The following CAMTA1 variants were observed in gnomAD, a reference collection of about 807,000 sequenced individuals.
CAMTA1 encodes the protein calmodulin binding transcription activator 1, also known as calmodulin-binding transcription activator 1.
Under a neutral mutation model 170.9 loss-of-function variants are expected in CAMTA1, and 27 were observed. The observed-to-expected ratio is 0.16, with a 90% confidence interval of 0.12 to 0.22. The LOEUF (loss-of-function observed/expected upper bound fraction) is 0.22, where lower values mean the gene tolerates loss of function less well. Ranked by LOEUF, CAMTA1 falls within the 10% of genes least tolerant of loss-of-function variation. The pLI is 1.00. For synonymous variants in CAMTA1, 833 were observed against 891.5 expected, an observed-to-expected ratio of 0.93 and a Z score of 1.17; for missense variants, 1,619 against 2,217.2, an observed-to-expected ratio of 0.73 and a Z score of 5.42.
chr1:7,446,549 T>C (rs2092686087), intron 5 of CAMTA1, among the ~76,000 whole-genome samples: 1 of 152,140 alleles, frequency 6.6e-6, no homozygotes, highest in South Asian at 2.1e-4. Flanking sequence ...GCCACGGACT[T>C]GCCTACTGGG....
intron 11 of CAMTA1, among the ~76,000 whole-genome samples, chr1:7,712,668 T>C (rs986719786): frequency 1.3e-5 from 2 of 152,196 alleles, no homozygotes; most frequent in Non-Finnish European, 2.9e-5. Flanking sequence ...AAGAAATCTT[T>C]CTGAGGTGGC....
intron 5 of CAMTA1, among the ~76,000 whole-genome samples, chr1:7,368,008 T>G (rs2086123828): frequency 6.6e-6 from 1 of 151,170 alleles, no homozygotes; most frequent in Admixed American, 6.6e-5. Flanking sequence ...GCACAGGCCC[T>G]GGGCACTCAT....
intron 4 of CAMTA1, among the ~76,000 whole-genome samples, chr1:7,103,528 A>G (rs1643042266): frequency 7.0e-6 from 1 of 142,170 alleles, no homozygotes; most frequent in African/African-American, 2.8e-5. Context: ...TACACACAAC[A>G]CACAACTACA....
intron 5 of CAMTA1, among the ~76,000 whole-genome samples, chr1:7,358,477 G>T (rs2085294448): frequency 6.6e-6 from 1 of 152,122 alleles, no homozygotes; most frequent in African/African-American, 2.4e-5. Context: ...CATCACTGGA[G>T]GCGGGCAGTG....
chr1:7,520,094 A>C (rs1407998974), intron 6 of CAMTA1, among the ~76,000 whole-genome samples: 1 of 146,682 alleles, frequency 6.8e-6, no homozygotes, highest in African/African-American at 2.6e-5. Context: ...CCACCAGTCC[A>C]CCAGCCCCCC....
chr1:7,328,718 A>G (rs6701226), intron 5 of CAMTA1, among the ~76,000 whole-genome samples: 10,695 of 151,368 alleles, frequency 0.071, 1,286 homozygotes, highest in African/African-American at 0.25. Context: ...TTGACTATCT[A>G]GTATTTTCTT....
intron 6 of CAMTA1, among the ~76,000 whole-genome samples, chr1:7,629,508 A>C (rs1422876260): frequency 6.6e-6 from 1 of 152,220 alleles, no homozygotes; most frequent in Non-Finnish European, 1.5e-5. Context: ...GATTGTGCTA[A>C]AATTACCTCC....
intron 5 of CAMTA1, among the ~76,000 whole-genome samples, chr1:7,270,702 T>C (rs1669675206): frequency 6.6e-6 from 1 of 152,106 alleles, no homozygotes; most frequent in Non-Finnish European, 1.5e-5. Context: ...TAAATATGGC[T>C]GGACACAGTT....
chr1:7,629,869 C>CG (rs1341325734), intron 6 of CAMTA1, among the ~76,000 whole-genome samples: 2 of 151,968 alleles, frequency 1.3e-5, no homozygotes, highest in African/African-American at 4.8e-5. Context: ...GGTCCTCTCT[C>CG]GGGGGGCCTG....
intron 4 of CAMTA1, among the ~76,000 whole-genome samples, chr1:7,159,642 C>G (rs776414242): frequency 3.3e-5 from 5 of 152,142 alleles, no homozygotes; most frequent in Admixed American, 2.6e-4. Flanking sequence ...CTCCTGGGCT[C>G]GAGCAATCCT....
At chr1:7,412,485 T>C (rs2149266910) in intron 5 of CAMTA1, among the ~76,000 whole-genome samples, 1 of 152,348 alleles carries the variant, frequency 6.6e-6, no homozygotes, top group East Asian at 1.9e-4. Flanking sequence ...ATTGTGGTTT[T>C]GATTTGCATT....
chr1:7,069,315 T>A (rs1010812314), intron 3 of CAMTA1, among the ~76,000 whole-genome samples: 2 of 152,196 alleles, frequency 1.3e-5, no homozygotes, highest in African/African-American at 4.8e-5. Context: ...CTCAGAGATG[T>A]TAACTGACTT....
At position 7,680,857 on chromosome 1, in the gene CAMTA1, CGCG is replaced by C. The variant is rs2096190976; in HGVS notation, c.2914+3125_2914+3127del. Among the ~76,000 whole-genome samples the C allele has an allele frequency of 1.0e-4, 8 of 77,926 alleles. No individual in the cohort carries two copies. Among genetic ancestry groups the C allele is most frequent in the African/African-American group, 2.2e-4 (5 of 23,114 alleles). The allele number at this position is 77,926 out of a possible 152,430, so 51.1% of individuals were successfully genotyped here. ...CGCAGAGAACACGCGCGCGCGCGCG[CGCG>C]CCAGCAGCAGCAGCAGCAGCAGCTG... On this transcript the variant is annotated intron_variant, in intron 11 of 22. Transcript: ENST00000303635. The surrounding 1 kb of genome is among the most constrained non-coding windows in gnomAD (Gnocchi z 4.4).
intron 3 of CAMTA1, among the ~76,000 whole-genome samples, chr1:6,938,651 G>T (rs1685879750): frequency 1.3e-5 from 2 of 152,200 alleles, no homozygotes; most frequent in Non-Finnish European, 2.9e-5. Flanking sequence ...GTCGGAGCTG[G>T]TAGGCTGGGC....
Position 6,796,261 on chromosome 1 carries a change from A to C in CAMTA1, c.45+10686A>C, listed in dbSNP as rs1569986544. Reference sequence around the variant, plus strand: ...TGGGCTCAGGTGATCCCTCAGCCTCACAAGTAGCTGGGACTACAGGCACGC... The same window carrying C: ...TGGGCTCAGGTGATCCCTCAGCCTCCCAAGTAGCTGGGACTACAGGCACGC... On this transcript the variant is annotated intron_variant, in intron 1 of 22. Coordinates refer to ENST00000303635, the MANE Select transcript of CAMTA1 (RefSeq NM_015215.4). Among the ~76,000 whole-genome samples the C allele has an allele frequency of 2.1e-5, 3 of 145,610 alleles. No homozygotes were observed. The South Asian group carries it at 6.3e-4, about 31-fold the overall frequency.
At chr1:7,124,464 C>T (rs1435931602) in intron 4 of CAMTA1, among the ~76,000 whole-genome samples, 2 of 152,212 alleles carry the variant, frequency 1.3e-5, no homozygotes, top group Non-Finnish European at 2.9e-5. Flanking sequence ...GTCATTCCTT[C>T]TTTGCCAGGA....
chr1:7,390,056 C>G (rs1045099646), intron 5 of CAMTA1, among the ~76,000 whole-genome samples: 1 of 152,182 alleles, frequency 6.6e-6, no homozygotes, highest in African/African-American at 2.4e-5. Flanking sequence ...CTTTACCTGC[C>G]GCTTCCCTGC....
chr1:6,942,077 C>CCT (rs1686738590), intron 3 of CAMTA1, among the ~76,000 whole-genome samples: 1 of 147,352 alleles, frequency 6.8e-6, no homozygotes, highest in African/African-American at 2.5e-5. Context: ...TTTCTTTTTT[C>CCT]TTTTTTTTTT....
At chr1:7,621,270 C>T (rs1397520400) in intron 6 of CAMTA1, among the ~76,000 whole-genome samples, 1 of 152,232 alleles carries the variant, frequency 6.6e-6, no homozygotes, top group Non-Finnish European at 1.5e-5. Context: ...GGAGGACCCC[C>T]CATGGTGGGT....
Sources: gnomAD v4.1 joint callset for allele counts (sites outside exome capture counted in the v4.1 genomes callset) on GRCh38, gnomAD v4.1.1 for gene constraint, Gnocchi (gnomAD v3.1) non-coding constraint, MANE v1.5 for transcripts, NCBI Gene and HGNC (gene_info 2026-07-23, HGNC 2026-07-21) for gene names.